C3orf20: variants seen among roughly 807,000 people sequenced by gnomAD.
C3orf20 encodes family with sequence similarity 149 member C, also known as uncharacterized protein C3orf20.
Under a neutral mutation model 88.3 loss-of-function variants are expected in C3orf20, and 76 were observed. That is an observed-to-expected ratio of 0.86 (90% CI 0.72 to 1.04). The LOEUF (loss-of-function observed/expected upper bound fraction) is 1.04. Ranked by LOEUF, C3orf20 falls within the 50% of genes least tolerant of loss-of-function variation. The probability of loss-of-function intolerance (pLI) is 0.00; values close to 1 mark genes in which losing one functional copy is unlikely to be tolerated. For missense variants in C3orf20, 1,056 were observed against 1,123.3 expected, an observed-to-expected ratio of 0.94 and a Z score of 0.86; for synonymous variants, 436 against 437.4, an observed-to-expected ratio of 1.00 and a Z score of 0.04.
At chr3:14,729,594 T>A (rs1267989879) in intron 12 of C3orf20, among the ~76,000 whole-genome samples, 1 of 152,246 alleles carries the variant, frequency 6.6e-6, no homozygotes, top group Non-Finnish European at 1.5e-5. Context: ...TCACCCAGGC[T>A]GGAGTGCAGT....
At chr3:14,740,363 T>C (rs1423852269) in intron 12 of C3orf20, among the ~76,000 whole-genome samples, 2 of 152,178 alleles carry the variant, frequency 1.3e-5, no homozygotes, top group Non-Finnish European at 2.9e-5. Context: ...ACAATATTTG[T>C]CAATTAAGTT....
chr3:14,762,835 A>T (rs1351049665), intron 15 of C3orf20, among the ~76,000 whole-genome samples: 1 of 152,176 alleles, frequency 6.6e-6, no homozygotes, highest in African/African-American at 2.4e-5. Flanking sequence ...TTCTCACTGC[A>T]GTAAGCTGAG....
intron 7 of C3orf20, among the ~76,000 whole-genome samples, chr3:14,713,593 G>A (rs1469890128): frequency 1.3e-5 from 2 of 152,202 alleles, no homozygotes; most frequent in Non-Finnish European, 2.9e-5. Flanking sequence ...CCTGGCTCTA[G>A]CCACTTCCTT....
intron 5 of C3orf20, among the ~76,000 whole-genome samples, chr3:14,695,866 T>G (rs1384871077): frequency 6.6e-6 from 1 of 152,172 alleles, no homozygotes; most frequent in Non-Finnish European, 1.5e-5. Flanking sequence ...TATTTTCAGT[T>G]TATGTGCGTC....
intron 14 of C3orf20, among the ~76,000 whole-genome samples, chr3:14,760,405 C>G (rs1488091660): frequency 6.6e-6 from 1 of 152,166 alleles, no homozygotes; most frequent in Non-Finnish European, 1.5e-5. Flanking sequence ...CAGAGAGTCT[C>G]ATTTGCTCAC....
At chr3:14,690,841 A>T (rs1046563271) in intron 5 of C3orf20, among the ~76,000 whole-genome samples, 3 of 152,184 alleles carry the variant, frequency 2.0e-5, no homozygotes, top group Non-Finnish European at 4.4e-5. Flanking sequence ...GGGAGGGTGG[A>T]TGGCAGGCAG....
chr3:14,692,923 G>A (rs1161650710), intron 5 of C3orf20, among the ~76,000 whole-genome samples: 1 of 152,014 alleles, frequency 6.6e-6, no homozygotes, highest in Non-Finnish European at 1.5e-5. Flanking sequence ...GTGAGAGATA[G>A]GGGTCCTTCT....
intron 12 of C3orf20, among the ~76,000 whole-genome samples, chr3:14,744,857 T>C (rs2568849): frequency 0.68 from 103,419 of 152,072 alleles, 35,633 homozygotes; most frequent in African/African-American, 0.81. Context: ...TCCCACAACA[T>C]GTGGGAATTC....
At chr3:14,764,507 A>ATTATTGTTGTTG (rs1286567408) in intron 15 of C3orf20, among the ~76,000 whole-genome samples, 44 of 132,838 alleles carry the variant, frequency 3.3e-4, no homozygotes, top group African/African-American at 1.3e-3. Context: ...TATTATTATT[A>ATTATTGTTGTTG]TTGTTGTTGT....
chr3:14,691,338 C>G (rs775673479), intron 5 of C3orf20, among the ~76,000 whole-genome samples: 1 of 152,154 alleles, frequency 6.6e-6, no homozygotes, highest in Non-Finnish European at 1.5e-5. Flanking sequence ...TATCATGTGC[C>G]CTCCTGAGCT....
chr3:14,703,213 G>C lies in C3orf20; in HGVS notation c.829G>C (p.Asp277His). Residue 277 changes from aspartate to histidine, a missense_variant, in exon 6 of 17, where the codon GAC becomes CAC. Physicochemically the swap from Asp to His is moderately conservative, Grantham distance 81. Transcript: ENST00000253697. ...GTPANSLEFS[D>H]PCPEAREKLQ... ...CCCTGCCAACAGCCTGGAGTTCAGCGACCCCTGCCCTGAGGCCCGGGAGAA... is the reference window on the plus strand; with the variant it reads ...CCCTGCCAACAGCCTGGAGTTCAGCCACCCCTGCCCTGAGGCCCGGGAGAA... 2 of 1,614,154 alleles carry C rather than the reference G, an allele frequency of 1.2e-6. No homozygotes were observed. The highest frequency in any genetic ancestry group is 1.7e-6 in the Non-Finnish European group (2 of 1,180,038).
chr3:14,685,460 T>TTCTCTCTCTCTCTCTCTGTTTCTC (rs2032348695), intron 4 of C3orf20, among the ~76,000 whole-genome samples: 1 of 139,014 alleles, frequency 7.2e-6, no homozygotes, highest in South Asian at 2.6e-4. Flanking sequence ...CTCTCTCTGT[T>TTCTCTCTCTCTCTCTCTGTTTCTC]TCTCTCTCTC....
At chr3:14,761,303 C>G (rs1253983650) in intron 14 of C3orf20, among the ~76,000 whole-genome samples, 170 bp from the exon 15 acceptor site, 4 of 151,766 alleles carry the variant, frequency 2.6e-5, no homozygotes, top group Admixed American at 2.6e-4. Context: ...CCCTGGGCAA[C>G]TCAGGGAGGG....
In C3orf20 at chr3:14,729,880, A is replaced by C. The variant is rs536947031; in HGVS notation, c.1940+1192A>C. On this transcript the variant is annotated intron_variant, in intron 12 of 16. Transcript: ENST00000253697. Reference sequence around the variant, plus strand: ...CTCTTTTTAACTTTAAATAAGTATTAAAATATTTTTCATGCTTTAACTTTT... The same window carrying C: ...CTCTTTTTAACTTTAAATAAGTATTCAAATATTTTTCATGCTTTAACTTTT... 6.6e-5 allele frequency among the ~76,000 whole-genome samples: 10 copies of C among 152,398 alleles called. No homozygotes were observed. In the South Asian group the frequency reaches 2.1e-3, roughly 32 times the overall value.
rs1272588217 is a variant in C3orf20, at chr3:14,715,424, C to T, written c.1434+15C>T. 1.2e-6 allele frequency: 2 copies of T among 1,606,998 alleles called. No individual in the cohort carries two copies. The highest frequency in any genetic ancestry group is 1.1e-5 in the South Asian group (1 of 89,974). On this transcript the variant is annotated intron_variant, in intron 9 of 16. Coordinates refer to ENST00000253697, the MANE Select transcript of C3orf20 (RefSeq NM_032137.5). ...TGGAATACAAGGTAGGGATGGGCAG[C>T]ACAGGTTGGGTGGCAGTGAGCACCA... is the stretch of plus-strand genomic sequence containing the variant.
intron 1 of C3orf20, among the ~76,000 whole-genome samples, chr3:14,681,676 G>A (rs1035925741): frequency 6.6e-6 from 1 of 152,288 alleles, no homozygotes; most frequent in Non-Finnish European, 1.5e-5. Flanking sequence ...TTTTTGTGTA[G>A]CATAAGATGT....
chr3:14,688,158 A>G (rs2032529518), intron 4 of C3orf20, among the ~76,000 whole-genome samples: 1 of 152,214 alleles, frequency 6.6e-6, no homozygotes, highest in Non-Finnish European at 1.5e-5. Flanking sequence ...TTTGTTTTGC[A>G]TGAATTATGT....
intron 9 of C3orf20, among the ~76,000 whole-genome samples, chr3:14,716,376 G>A (rs1246082090): frequency 6.6e-6 from 1 of 152,304 alleles, no homozygotes; most frequent in East Asian, 1.9e-4. Flanking sequence ...ACTCAAGCTG[G>A]CCTGAGATGA....
intron 5 of C3orf20, among the ~76,000 whole-genome samples, chr3:14,692,941 GTTA>G: frequency 6.6e-6 from 1 of 152,074 alleles, no homozygotes; most frequent in African/African-American, 2.4e-5. Flanking sequence ...TCTGCATATG[GTTA>G]TCCAGTTTTC....
Sources: allele counts gnomAD v4.1 joint callset (sites outside exome capture counted in the v4.1 genomes callset), GRCh38; gene constraint gnomAD v4.1.1; transcripts MANE v1.5; gene names NCBI Gene and HGNC (gene_info 2026-07-23, HGNC 2026-07-21).